Variants in EPHA6 observed in about 807,000 individuals in gnomAD.
EPHA6 encodes the protein ephrin type-A receptor 6.
A neutral mutation model predicts 112.0 loss-of-function variants in EPHA6; 50 were observed. The ratio of observed to expected loss-of-function variants is 0.45; its 90% confidence interval spans 0.36 to 0.56. The LOEUF is 0.56. Ranked by LOEUF, EPHA6 falls within the 20% of genes least tolerant of loss-of-function variation. The pLI, the probability that EPHA6 is intolerant of heterozygous loss-of-function variation, is 0.00. For missense variants in EPHA6, 1,280 were observed against 1,417.4 expected, an observed-to-expected ratio of 0.90 and a Z score of 1.56; for synonymous variants, 529 against 490.7, an observed-to-expected ratio of 1.08 and a Z score of -1.03.
intron 1 of EPHA6, among the ~76,000 whole-genome samples, chr3:96,846,424 T>G (rs945418264): frequency 3.9e-5 from 6 of 152,060 alleles, no homozygotes; most frequent in African/African-American, 1.4e-4. Flanking sequence ...GAATATGCTT[T>G]ATTAACAGAT....
At chr3:97,484,235 T>C (rs2107499150) in intron 10 of EPHA6, among the ~76,000 whole-genome samples, 176 bp downstream of exon 10, 1 of 152,366 alleles carries the variant, frequency 6.6e-6, no homozygotes, top group East Asian at 1.9e-4. Flanking sequence ...TCCATTTGTT[T>C]CCAAACAATG....
chr3:97,011,216 G>T (rs531954646), intron 3 of EPHA6, among the ~76,000 whole-genome samples: 1 of 152,320 alleles, frequency 6.6e-6, no homozygotes, highest in South Asian at 2.1e-4. Flanking sequence ...GGGGAAGGTT[G>T]CATGGAAACT....
chr3:97,380,562 G>A (rs746724540), intron 5 of EPHA6, among the ~76,000 whole-genome samples: 66 of 152,224 alleles, frequency 4.3e-4, no homozygotes, highest in Non-Finnish European at 3.2e-4. Flanking sequence ...CATTTCTTAC[G>A]TGAAGAAAAT....
At chr3:97,745,265 GA>G (rs937573824) in intron 16 of EPHA6, 1 of 366,814 alleles carries the variant, frequency 2.7e-6, no homozygotes, top group Non-Finnish European at 5.3e-6. Flanking sequence ...ACACCTCTAG[GA>G]AACTTTGAAT....
At chr3:97,381,698 T>G (rs1336770734) in intron 5 of EPHA6, among the ~76,000 whole-genome samples, 1 of 152,146 alleles carries the variant, frequency 6.6e-6, no homozygotes, top group East Asian at 1.9e-4. Context: ...TTTGCTAATG[T>G]GTACATCATA....
intron 4 of EPHA6, among the ~76,000 whole-genome samples, chr3:97,235,634 T>C (rs2078655534): frequency 6.6e-6 from 1 of 152,114 alleles, no homozygotes; most frequent in Non-Finnish European, 1.5e-5. Flanking sequence ...AAAGTATTAT[T>C]TCTAAATGAA....
At chr3:97,230,519 T>C (rs2078492711) in intron 4 of EPHA6, among the ~76,000 whole-genome samples, 1 of 152,186 alleles carries the variant, frequency 6.6e-6, no homozygotes, top group Non-Finnish European at 1.5e-5. Flanking sequence ...AAAGGTTTAA[T>C]TCTGTCATGG....
At chr3:97,174,021 T>TC (rs958840061) in intron 3 of EPHA6, among the ~76,000 whole-genome samples, 10 of 151,282 alleles carry the variant, frequency 6.6e-5, no homozygotes, top group South Asian at 2.1e-4. Context: ...CCTTCTACCT[T>TC]CCCCCCCAGT....
At chr3:97,257,460 A>G (rs1380114052) in intron 5 of EPHA6, among the ~76,000 whole-genome samples, 9 of 152,044 alleles carry the variant, frequency 5.9e-5, no homozygotes, top group Admixed American at 5.9e-4. Context: ...TGCAAATCAG[A>G]GAAATGCAAA....
intron 12 of EPHA6, among the ~76,000 whole-genome samples, chr3:97,600,095 G>A (rs1328412079): frequency 6.7e-6 from 1 of 149,786 alleles, no homozygotes; most frequent in Admixed American, 6.6e-5. Flanking sequence ...AAGAATGCTT[G>A]TGATTTTTGT....
chr3:96,872,376 C>G (rs2036675933), intron 2 of EPHA6, among the ~76,000 whole-genome samples: 1 of 152,016 alleles, frequency 6.6e-6, no homozygotes. Flanking sequence ...ATAGAAGCCT[C>G]CTGTGTTTAT....
intron 3 of EPHA6, among the ~76,000 whole-genome samples, chr3:97,162,286 A>T (rs1241105409): frequency 2.6e-5 from 4 of 152,172 alleles, no homozygotes; most frequent in African/African-American, 9.6e-5. Context: ...AGGTAGAGAC[A>T]ATTCTAGTAC....
chr3:97,397,318 A>G (rs1214522427), intron 5 of EPHA6, among the ~76,000 whole-genome samples: 1 of 151,632 alleles, frequency 6.6e-6, no homozygotes, highest in East Asian at 1.9e-4. Flanking sequence ...ATAAATGTAT[A>G]TGCTATATTT....
chr3:97,519,851 T>G (rs1290400909), intron 10 of EPHA6, among the ~76,000 whole-genome samples: 1 of 152,148 alleles, frequency 6.6e-6, no homozygotes, highest in Non-Finnish European at 1.5e-5. Flanking sequence ...TTTTATTAAT[T>G]TATTTATGTG....
chr3:97,158,079 G>C (rs141644044), intron 3 of EPHA6, among the ~76,000 whole-genome samples: 1 of 152,118 alleles, frequency 6.6e-6, no homozygotes, highest in Non-Finnish European at 1.5e-5. Context: ...GTTATCCTGT[G>C]TACAACCAAA....
intron 3 of EPHA6, among the ~76,000 whole-genome samples, chr3:97,114,263 T>C (rs973958108): frequency 6.6e-6 from 1 of 151,594 alleles, no homozygotes; most frequent in Non-Finnish European, 1.5e-5. Flanking sequence ...TACATAAAAA[T>C]ACAACTGAAC....
At position 96,937,359 on chromosome 3, in the gene EPHA6, G is replaced by A. The variant is rs535614671; in HGVS notation, c.451-49971G>A. ...GATTTGCATTTCTCTGATGGCCAGT[G>A]ATGATGAGCATTTTTTCATGTGTTT... On this transcript the variant is annotated intron_variant, in intron 2 of 17. Coordinates refer to ENST00000389672, the MANE Select transcript of EPHA6 (RefSeq NM_001080448.3). Among the ~76,000 whole-genome samples, 298 of 152,254 alleles carry A rather than the reference G, an allele frequency of 2.0e-3. 4 individuals are homozygous for A. In the Middle Eastern group the frequency reaches 0.027, roughly 14 times the overall value.
At chr3:97,018,300 G>A (rs765492948) in intron 3 of EPHA6, among the ~76,000 whole-genome samples, 6 of 151,920 alleles carry the variant, frequency 3.9e-5, no homozygotes, top group Admixed American at 6.6e-5. Flanking sequence ...CCCATGTGCG[G>A]AGACGAGAGA....
At chr3:97,447,689 A>G (rs1244181169) in intron 6 of EPHA6, 7 of 825,962 alleles carry the variant, frequency 8.5e-6, no homozygotes, top group Middle Eastern at 5.8e-4. Context: ...TGGGCAAGAG[A>G]GACCATGTAA....
Sources: allele counts gnomAD v4.1 joint callset (sites outside exome capture counted in the v4.1 genomes callset), GRCh38; gene constraint gnomAD v4.1.1; transcripts MANE v1.5; gene names NCBI Gene and HGNC (gene_info 2026-07-23, HGNC 2026-07-21).